The following CBX8 variants were observed in gnomAD, a reference collection of about 807,000 sequenced individuals.
CBX8 encodes chromobox 8, also known as chromobox protein homolog 8.
A neutral mutation model predicts 39.7 loss-of-function variants in CBX8; 8 were observed. That is an observed-to-expected ratio of 0.20 (90% CI 0.12 to 0.36). CBX8 has a LOEUF of 0.36. CBX8 is among the 10% of genes least tolerant of loss of function. The pLI is 1.00. For missense variants in CBX8, 505 were observed against 529.6 expected (o/e 0.95, Z 0.46); for synonymous variants, 268 against 219.8 (o/e 1.22, Z -1.94).
rs140328933 is a variant in CBX8, at chr17:79,795,039, A to G, written c.766T>C (p.Ser256Pro). 6.2e-7 allele frequency: 1 copy of G among 1,607,460 alleles called. No homozygotes were observed. Among genetic ancestry groups the G allele is most frequent in the South Asian group, 1.1e-5 (1 of 89,910 alleles). The part of the protein sequence containing the change: ...SVIQLARRQD[S>P]DLVQCGVTSP... Reference sequence around the variant, plus strand: ...GTCACACCACACTGCACCAGGTCCGAGTCCTGTCTTCGGGCCAGCTGGATC... The same window carrying G: ...GTCACACCACACTGCACCAGGTCCGGGTCCTGTCTTCGGGCCAGCTGGATC... The change falls in exon 5 of 5, where the codon TCG becomes CCG. Residue 256 changes from serine (S) to proline (P), a missense_variant. Ser to Pro is a moderately conservative substitution (Grantham distance 74). Around this residue, in one of 3 missense-constraint regions of CBX8, gnomAD observed 456 missense variants for 389.2 expected, o/e 1.17. Transcript: ENST00000269385. The surrounding 1 kb of genome is among the most constrained non-coding windows in gnomAD (Gnocchi z 5.8).
At position 79,795,292 on chromosome 17, in the gene CBX8, C is replaced by A; in HGVS notation, c.513G>T (p.Glu171Asp). Residue 171 changes from glutamate (E) to aspartate (D), a missense_variant, in exon 5 of 5, where the codon GAG becomes GAT. By Grantham distance (45) the Glu-to-Asp change is conservative. This residue lies in a region of CBX8 where 456 missense variants were observed against 389.2 expected (regional missense o/e 1.17). Coordinates refer to ENST00000269385, the MANE Select transcript of CBX8 (RefSeq NM_020649.3). The surrounding 1 kb of genome is among the most constrained non-coding windows in gnomAD (Gnocchi z 5.8). ...DRERERERER[E>D]RERERERERG... Reference sequence around the variant, plus strand: ...GCTCTCGTTCCCTCTCACGTTCCCGCTCCCTCTCTCGCTCCCTCTCCCTTT... The same window carrying A: ...GCTCTCGTTCCCTCTCACGTTCCCGATCCCTCTCTCGCTCCCTCTCCCTTT... 6.3e-7 allele frequency: 1 copy of A among 1,593,910 alleles called. No homozygotes were observed. Among genetic ancestry groups the A allele is most frequent in the South Asian group, 1.1e-5 (1 of 88,236 alleles).
Position 79,795,845 on chromosome 17 carries a change from G to A in CBX8, c.246+212C>T, listed in dbSNP as rs1163286118. Among the ~76,000 whole-genome samples, 5 of 152,150 alleles carry A rather than the reference G, an allele frequency of 3.3e-5. No individual in the cohort carries two copies. Among genetic ancestry groups the A allele is most frequent in the East Asian group, 3.8e-4 (2 of 5,200 alleles). On this transcript the variant is annotated intron_variant, in intron 4 of 4. Coordinates refer to ENST00000269385, the MANE Select transcript of CBX8 (RefSeq NM_020649.3). The surrounding 1 kb of genome is among the most constrained non-coding windows in gnomAD (Gnocchi z 5.8). ...TTGATTATTGTGTCCATTTGGGAGG[G>A]GGAGCGTAAAGGAATTCTAGTGTGG...
Position 79,793,919 on chromosome 17 carries a change from A to T in CBX8, c.*716T>A, listed in dbSNP as rs1388075781. The T allele has an allele frequency of 6.6e-6, 1 of 152,024 alleles. No individual in the cohort carries two copies. Among genetic ancestry groups the T allele is most frequent in the Non-Finnish European group, 1.5e-5 (1 of 67,986 alleles). The allele number at this position is 152,024 out of a possible 1,614,324, so 9.4% of individuals were successfully genotyped here. A position where few individuals can be genotyped will look rare whatever the true frequency, so the allele number is the denominator to read the frequency against. ...ACACACACACCCCTCCCTAAAGTGCATTTCCTGGTGTGGTCCTGGGGAGAA... is the reference window on the plus strand; with the variant it reads ...ACACACACACCCCTCCCTAAAGTGCTTTTCCTGGTGTGGTCCTGGGGAGAA... On this transcript the variant is annotated 3_prime_UTR_variant, in exon 5 of 5. Transcript: ENST00000269385.
chr17:79,796,199 G>A lies in CBX8; in HGVS notation c.179+51C>T, dbSNP rs113830403. 1,402 of 1,613,148 alleles carry A rather than the reference G, an allele frequency of 8.7e-4. 16 individuals are homozygous for A. In the African/African-American group the frequency reaches 0.017, roughly 20 times the overall value. On this transcript the variant is annotated intron_variant, in intron 3 of 4. Coordinates refer to ENST00000269385, the MANE Select transcript of CBX8 (RefSeq NM_020649.3). ...GGACTCTAGTCCAGGCTGGAAAGAA[G>A]CCACTCTACTTGTTTCTAAGTGAGC...
rs1908105795 is a variant in CBX8, at chr17:79,796,683, C to T, written c.70-143G>A. 3 of 920,780 alleles carry T rather than the reference C, an allele frequency of 3.3e-6. No homozygotes were observed. The South Asian group carries it at 4.1e-5, about 13-fold the overall frequency. 57.0% of individuals were successfully genotyped at this position (920,780 alleles called of 1,614,324 possible). A position where few individuals can be genotyped will look rare whatever the true frequency, so the allele number is the denominator to read the frequency against. On this transcript the variant is annotated intron_variant, in intron 1 of 4. Coordinates refer to ENST00000269385, the MANE Select transcript of CBX8 (RefSeq NM_020649.3). ...ACGCGCCCGCTGCATCACCCCTGCACCTAATGCTGCACAAAGTGCATGCAC... is the reference window on the plus strand; with the variant it reads ...ACGCGCCCGCTGCATCACCCCTGCATCTAATGCTGCACAAAGTGCATGCAC...
At chr17:79,796,160 A>G (rs1908081406) in intron 3 of CBX8, 37 bp from the exon 4 acceptor site, 7 of 1,613,280 alleles carry the variant, frequency 4.3e-6, no homozygotes, top group Non-Finnish European at 2.5e-6. Flanking sequence ...GTGCGTGAGT[A>G]AAGAAAGCAA....
chr17:79,795,482 C>G lies in CBX8; in HGVS notation c.323G>C (p.Gly108Ala). The G allele has an allele frequency of 6.3e-7, 1 of 1,589,894 alleles. No homozygotes were observed. Among genetic ancestry groups the G allele is most frequent in the Non-Finnish European group, 8.6e-7 (1 of 1,168,284 alleles). The change falls in exon 5 of 5, where the codon GGC (glycine) becomes GCC (alanine). Residue 108 changes from glycine (G) to alanine (A), a missense_variant. Transcript: ENST00000269385. The surrounding 1 kb of genome is among the most constrained non-coding windows in gnomAD (Gnocchi z 5.8). ...SARGIRIPYP[G>A]RSPQDLASTS... is the part of the protein sequence containing the mutation. ...GGAGGCCAGGTCCTGGGGCGAGCGG[C>G]CAGGGTAGGGGATCCGGATGCCCCT...
At position 79,794,740 on chromosome 17, in the gene CBX8, C is replaced by A; in HGVS notation, c.1065G>T (p.Leu355=). The change falls in exon 5 of 5, where the codon CTG becomes CTT. Residue 355 remains leucine (L), a synonymous_variant. Coordinates refer to ENST00000269385, the MANE Select transcript of CBX8 (RefSeq NM_020649.3). ...DPEEESWSPS[L]TNLEKVVVTD... ...TGACCACCACCTTCTCCAGGTTAGT[C>A]AGGGAGGGGCTCCAGGACTCTTCCT... is the stretch of plus-strand genomic sequence containing the variant. 2 of 1,613,486 alleles carry A rather than the reference C, an allele frequency of 1.2e-6. No homozygotes were observed. The highest frequency in any genetic ancestry group is 1.3e-5 in the African/African-American group (1 of 75,018).
rs764787340 is a variant in CBX8 at position 79,795,503 on chromosome 17, C to T, written c.302G>A (p.Gly101Asp). The T allele has an allele frequency of 6.8e-5, 106 of 1,554,016 alleles. No individual in the cohort carries two copies. Among genetic ancestry groups the T allele is most frequent in the Non-Finnish European group, 8.7e-5 (100 of 1,152,494 alleles). The change falls in exon 5 of 5, where the codon GGC becomes GAC. Residue 101 changes from glycine (G) to aspartate (D), a missense_variant. Physicochemically the swap from Gly to Asp is moderately conservative, Grantham distance 94. Transcript: ENST00000269385. This position sits in a 1 kb window ranked among gnomAD's most constrained non-coding sequence, Gnocchi z 5.8. ...GCGGCCAGGGTAGGGGATCCGGATG[C>T]CCCTGGCTGAGTCACTTCGAAACTC... is the stretch of plus-strand genomic sequence containing the variant. Reference protein sequence around the residue: ...TYEFRSDSARGIRIPYPGRSP... With the variant: ...TYEFRSDSARDIRIPYPGRSP...
At position 79,794,583 on chromosome 17, in the gene CBX8, G is replaced by T; in HGVS notation, c.*52C>A. 7.3e-7 allele frequency: 1 copy of T among 1,370,462 alleles called. No individual in the cohort carries two copies. Among genetic ancestry groups the T allele is most frequent in the Non-Finnish European group, 9.9e-7 (1 of 1,006,802 alleles). 84.9% of individuals were successfully genotyped at this position (1,370,462 alleles called of 1,614,324 possible). On this transcript the variant is annotated 3_prime_UTR_variant, in exon 5 of 5. Transcript: ENST00000269385. ...CCAGAAATAAAAATCACTATGCCAA[G>T]CTCACGCTCACTCTCTCCCCTGCTC...
chr17:79,795,050 C>T lies in CBX8; in HGVS notation c.755G>A (p.Arg252Gln), dbSNP rs1178915096. The change falls in exon 5 of 5, where the codon CGA becomes CAA. Residue 252 changes from arginine to glutamine, a missense_variant. Physicochemically the swap from Arg to Gln is conservative, Grantham distance 43 (BLOSUM62 1). Coordinates refer to ENST00000269385, the MANE Select transcript of CBX8 (RefSeq NM_020649.3). The surrounding 1 kb of genome is among the most constrained non-coding windows in gnomAD (Gnocchi z 5.8). ...CTGCACCAGGTCCGAGTCCTGTCTT[C>T]GGGCCAGCTGGATCACACTGTGGCC... ...PAGHSVIQLA[R>Q]RQDSDLVQCG... The T allele has an allele frequency of 2.5e-6, 4 of 1,607,078 alleles. No homozygotes were observed. Among genetic ancestry groups the T allele is most frequent in the Non-Finnish European group, 3.4e-6 (4 of 1,176,662 alleles).
rs757103367 is a variant in CBX8, at chr17:79,796,535, G to A, written c.75C>T (p.Arg25=). 1 of 1,614,150 alleles carries A rather than the reference G, an allele frequency of 6.2e-7. No homozygotes were observed. The highest frequency in any genetic ancestry group is 8.5e-7 in the Non-Finnish European group (1 of 1,180,022). Residue 25 remains arginine (R), a synonymous_variant, in exon 2 of 5, where the codon CGC becomes CGT. Coordinates refer to ENST00000269385, the MANE Select transcript of CBX8 (RefSeq NM_020649.3). ...CCTTCCATTTCACGAGGTATTCCAT[G>A]CGTCCCTGCGGGTGCAAAGGCGATA... is the stretch of plus-strand genomic sequence containing the variant. ...ALLKRRIRKG[R]MEYLVKWKGW...
In CBX8 at chr17:79,792,204, A is replaced by G. The variant is rs542356465; in HGVS notation, c.*2431T>C. 6.8e-4 allele frequency: 104 copies of G among 152,374 alleles called. No homozygotes were observed. The highest frequency in any genetic ancestry group is 2.3e-3 in the African/African-American group (97 of 41,590). The allele number at this position is 152,374 out of a possible 1,614,324, so 9.4% of individuals were successfully genotyped here. A position where few individuals can be genotyped will look rare whatever the true frequency, so the allele number is the denominator to read the frequency against. Reference sequence around the variant, plus strand: ...ACAGACATTCACGACCGCAGAAGATAGGTACCGAAGCTTCACTCTTGAGCT... The same window carrying G: ...ACAGACATTCACGACCGCAGAAGATGGGTACCGAAGCTTCACTCTTGAGCT... On this transcript the variant is annotated 3_prime_UTR_variant, in exon 5 of 5. Transcript: ENST00000269385.
chr17:79,794,931 G>A lies in CBX8; in HGVS notation c.874C>T (p.Leu292=), dbSNP rs571644722. 6.2e-7 allele frequency: 1 copy of A among 1,608,148 alleles called. No homozygotes were observed. The highest frequency in any genetic ancestry group is 8.5e-7 in the Non-Finnish European group (1 of 1,176,954). The change falls in exon 5 of 5, where the codon CTG becomes TTG. Residue 292 remains leucine (L), a synonymous_variant. Transcript: ENST00000269385. ...ARVIKHRAAF[L]EAKGQGALDP... ...AGGGCACCCTGGCCTTTGGCCTCCA[G>A]GAAGGCAGCCCTGTGCTTTATCACC...
Position 79,796,984 on chromosome 17 carries a change from C to A in CBX8, c.15G>T (p.Ala5=), listed in dbSNP as rs1161957762. The A allele has an allele frequency of 1.9e-6, 3 of 1,610,920 alleles. No individual in the cohort carries two copies. Among genetic ancestry groups the A allele is most frequent in the Non-Finnish European group, 2.5e-6 (3 of 1,179,008 alleles). Residue 5 remains alanine (A), a synonymous_variant, in exon 1 of 5, where the codon GCG becomes GCT. Coordinates refer to ENST00000269385, the MANE Select transcript of CBX8 (RefSeq NM_020649.3). The part of the protein sequence containing the change: MELS[A]VGERVFAAEA... ...CGGCCGCGAACACCCGCTCCCCCAC[C>A]GCTGAAAGCTCCATGTTGACTCGCC...
rs767290438 is a variant in CBX8 at position 79,796,163 on chromosome 17, G to A, written c.180-40C>T. On this transcript the variant is annotated intron_variant, in intron 3 of 4. Coordinates refer to ENST00000269385, the MANE Select transcript of CBX8 (RefSeq NM_020649.3). ...AAAGGAGAAAGGGTGCGTGAGTAAA[G>A]AAAGCAAGTGGGACTCTAGTCCAGG... 14 of 1,612,784 alleles carry A rather than the reference G, an allele frequency of 8.7e-6. No individual in the cohort carries two copies. In the African/African-American group the frequency reaches 1.7e-4, roughly 20 times the overall value.
In CBX8 at chr17:79,794,612, T is replaced by C; in HGVS notation, c.*23A>G. ...ACGCTCACTCTCTCCCCTGCTCTCC[T>C]CCTGGACACACCCACCCAGCATTCA... On this transcript the variant is annotated 3_prime_UTR_variant, in exon 5 of 5. Coordinates refer to ENST00000269385, the MANE Select transcript of CBX8 (RefSeq NM_020649.3). 6.6e-7 allele frequency: 1 copy of C among 1,522,076 alleles called. No homozygotes were observed. Among genetic ancestry groups the C allele is most frequent in the Non-Finnish European group, 8.8e-7 (1 of 1,132,624 alleles). The allele number at this position is 1,522,076 out of a possible 1,614,324, so 94.3% of individuals were successfully genotyped here. A position where few individuals can be genotyped will look rare whatever the true frequency, so the allele number is the denominator to read the frequency against.
rs781573362 is a variant in CBX8, at chr17:79,793,031, G to A, written c.*1604C>T. The A allele has an allele frequency of 6.6e-6, 1 of 152,294 alleles. No homozygotes were observed. The highest frequency in any genetic ancestry group is 1.5e-5 in the Non-Finnish European group (1 of 68,082). 9.4% of individuals were successfully genotyped at this position (152,294 alleles called of 1,614,324 possible). ...GCCCTTTAAGGGCGGGGAGGGCAGGGAGGCTGCGGGATCCGTGCTCCAAGA... is the reference window on the plus strand; with the variant it reads ...GCCCTTTAAGGGCGGGGAGGGCAGGAAGGCTGCGGGATCCGTGCTCCAAGA... On this transcript the variant is annotated 3_prime_UTR_variant, in exon 5 of 5. Coordinates refer to ENST00000269385, the MANE Select transcript of CBX8 (RefSeq NM_020649.3).
At position 79,795,328 on chromosome 17, in the gene CBX8, C is replaced by A. The variant is rs530891614; in HGVS notation, c.477G>T (p.Glu159Asp). 3.2e-6 allele frequency: 5 copies of A among 1,582,542 alleles called. No individual in the cohort carries two copies. In the Admixed American group the frequency reaches 7.4e-5, roughly 23 times the overall value. ...DRDRDRDRDR[E>D]RDRERERERE... ...GCTCCCTCTCCCTTTCTCGATCCCG[C>A]TCCCGGTCCCTATCCCGGTCTCGGT... The change falls in exon 5 of 5, where the codon GAG becomes GAT. Residue 159 changes from glutamate (E) to aspartate (D), a missense_variant. Transcript: ENST00000269385. The surrounding 1 kb of genome is among the most constrained non-coding windows in gnomAD (Gnocchi z 5.8).
Sources: allele counts gnomAD v4.1 joint callset (sites outside exome capture counted in the v4.1 genomes callset), GRCh38; gene constraint gnomAD v4.1.1; regional missense constraint gnomAD v4.1.1; non-coding constraint Gnocchi (gnomAD v3.1); transcripts MANE v1.5; gene names NCBI Gene and HGNC (gene_info 2026-07-23, HGNC 2026-07-21).